Variants in GNB1L observed in about 807,000 individuals in gnomAD.
GNB1L encodes the protein G protein subunit beta 1 like, also known as guanine nucleotide-binding protein subunit beta-like protein 1.
Under a neutral mutation model 29.1 loss-of-function variants are expected in GNB1L, and 20 were observed. The ratio of observed to expected loss-of-function variants is 0.69; its 90% CI spans 0.48 to 1.00. GNB1L has a LOEUF of 1.00. GNB1L is among the 50% of genes least tolerant of loss of function. The pLI, the probability that GNB1L is intolerant of heterozygous loss-of-function variation, is 0.00. For synonymous variants in GNB1L, 193 were observed against 206.5 expected, an observed-to-expected ratio of 0.93 and a Z score of 0.56; for missense variants, 421 against 464.9, an observed-to-expected ratio of 0.91 and a Z score of 0.87.
chr22:19,805,686 G>A (rs1379199882), intron 6 of GNB1L, among the ~76,000 whole-genome samples: 1 of 152,194 alleles, frequency 6.6e-6, no homozygotes, highest in Non-Finnish European at 1.5e-5. Flanking sequence ...GGAGGCTGAG[G>A]CAGGAGAATG....
intron 6 of GNB1L, among the ~76,000 whole-genome samples, chr22:19,803,346 C>T (rs1480143503): frequency 6.6e-6 from 1 of 152,164 alleles, no homozygotes; most frequent in Non-Finnish European, 1.5e-5. Context: ...CAGGAGGAGG[C>T]GAGTGGCGGT....
chr22:19,817,373 C>G (rs1035882603), intron 4 of GNB1L, among the ~76,000 whole-genome samples: 1 of 152,084 alleles, frequency 6.6e-6, no homozygotes, highest in Non-Finnish European at 1.5e-5. Context: ...CCCAGCTACT[C>G]GGGAGGCTGA....
In GNB1L at chr22:19,848,994, G is replaced by A. The variant is rs115759616; in HGVS notation, c.-21+5449C>T. 4,142 of 985,522 alleles carry A rather than the reference G, an allele frequency of 4.2e-3. 117 individuals are homozygous for A. The African/African-American group carries it at 0.068, about 16-fold the overall frequency. The allele number at this position is 985,522 out of a possible 1,614,324, so 61.0% of individuals were successfully genotyped here. On this transcript the variant is annotated intron_variant, in intron 2 of 7. Coordinates refer to ENST00000329517, the MANE Select transcript of GNB1L (RefSeq NM_053004.3). ...CCAGGCCACAGTGCACTGGAGGTAG[G>A]CATCAGGGAGCAGTCTGACCCAACC...
chr22:19,832,920 G>C (rs1384406410), intron 2 of GNB1L, among the ~76,000 whole-genome samples: 1 of 152,232 alleles, frequency 6.6e-6, no homozygotes, highest in Non-Finnish European at 1.5e-5. Flanking sequence ...TGAGCCCTGG[G>C]TGGCTGATGT....
chr22:19,845,134 G>A (rs1368601278), intron 2 of GNB1L, among the ~76,000 whole-genome samples: 1 of 152,210 alleles, frequency 6.6e-6, no homozygotes, highest in African/African-American at 2.4e-5. Flanking sequence ...GGAAAGGGGA[G>A]GTCCCCTATC....
intron 2 of GNB1L, among the ~76,000 whole-genome samples, chr22:19,845,213 G>A (rs3788303): frequency 0.019 from 2,825 of 152,362 alleles, 58 homozygotes; most frequent in South Asian, 0.077. Context: ...CATGCAGTCA[G>A]CTGTGCACAT....
chr22:19,833,798 G>A (rs568433959), intron 2 of GNB1L, among the ~76,000 whole-genome samples: 67 of 152,024 alleles, frequency 4.4e-4, no homozygotes, highest in Admixed American at 2.2e-3. Flanking sequence ...ACTGGGAGGC[G>A]GAGGTTGCCG....
chr22:19,851,352 A>G (rs1457721679), intron 2 of GNB1L: 1 of 1,614,132 alleles, frequency 6.2e-7, no homozygotes, highest in Non-Finnish European at 8.5e-7. Flanking sequence ...GCTGACTCCG[A>G]CAGTCTAGGG....
intron 7 of GNB1L, among the ~76,000 whole-genome samples, chr22:19,798,971 A>C (rs533511892): frequency 2.0e-5 from 3 of 152,144 alleles, no homozygotes; most frequent in African/African-American, 7.2e-5. Flanking sequence ...GATGCGATGC[A>C]CGGGGAGCTG....
At chr22:19,809,535 C>T (rs975693723) in intron 5 of GNB1L, among the ~76,000 whole-genome samples, 3 of 152,204 alleles carry the variant, frequency 2.0e-5, no homozygotes, top group Non-Finnish European at 4.4e-5. Flanking sequence ...CTGACTAATA[C>T]AAGCCACCTA....
At chr22:19,822,283 G>A (rs1377946259) in intron 2 of GNB1L, among the ~76,000 whole-genome samples, 3 of 152,080 alleles carry the variant, frequency 2.0e-5, no homozygotes, top group South Asian at 2.1e-4. Flanking sequence ...CAGAGTCGCC[G>A]TGCGGCTCCT....
At chr22:19,823,944 TTG>T (rs1937599470) in intron 2 of GNB1L, among the ~76,000 whole-genome samples, 1 of 152,200 alleles carries the variant, frequency 6.6e-6, no homozygotes, top group African/African-American at 2.4e-5. Flanking sequence ...CACGGCGGCC[TTG>T]GGCGGTGCCA....
intron 5 of GNB1L, among the ~76,000 whole-genome samples, chr22:19,811,537 G>A (rs190071533): frequency 2.0e-5 from 3 of 152,100 alleles, no homozygotes; most frequent in East Asian, 1.9e-4. Context: ...CACCCTCCCC[G>A]CACATCTTGG....
At chr22:19,835,456 G>C (rs769190327) in intron 2 of GNB1L, among the ~76,000 whole-genome samples, 17 of 151,064 alleles carry the variant, frequency 1.1e-4, no homozygotes, top group Non-Finnish European at 2.2e-4. Context: ...GAGGCAGGCA[G>C]ATCACGAGGT....
At position 19,820,637 on chromosome 22, in the gene GNB1L, G is replaced by T; in HGVS notation, c.215C>A (p.Thr72Asn). The change falls in exon 4 of 8, where the codon ACC (threonine) becomes AAC (asparagine). Residue 72 changes from threonine (T) to asparagine (N), a missense_variant. Transcript: ENST00000329517. ...TLDGHGGQCV[T>N]WLQTLPQGRQ... Reference sequence around the variant, plus strand: ...CCCCTGGGGCAGCGTCTGCAGCCAGGTCACACACTGGCCGCCGTGGCCATC... The same window carrying T: ...CCCCTGGGGCAGCGTCTGCAGCCAGTTCACACACTGGCCGCCGTGGCCATC... The T allele has an allele frequency of 6.2e-7, 1 of 1,613,238 alleles. No homozygotes were observed. The highest frequency in any genetic ancestry group is 1.1e-5 in the South Asian group (1 of 91,054).
intron 2 of GNB1L, among the ~76,000 whole-genome samples, chr22:19,837,979 G>A (rs935863556): frequency 6.6e-6 from 1 of 152,262 alleles, no homozygotes; most frequent in African/African-American, 2.4e-5. Flanking sequence ...GGAGGAAGAA[G>A]GGAGGGGCAT....
At chr22:19,810,290 C>G (rs541510152) in intron 5 of GNB1L, among the ~76,000 whole-genome samples, 1 of 152,208 alleles carries the variant, frequency 6.6e-6, no homozygotes, top group East Asian at 1.9e-4. Context: ...AGGCCTGTCT[C>G]AATTTGGGCT....
chr22:19,807,738 C>T (rs892656894), intron 5 of GNB1L, among the ~76,000 whole-genome samples: 7 of 152,210 alleles, frequency 4.6e-5, no homozygotes, highest in Admixed American at 4.6e-4. Context: ...CCAGTTGGTC[C>T]AGCGGTCTCT....
Position 19,785,528 on chromosome 22 carries a change from G to C in GNB1L, c.*3181C>G, listed in dbSNP as rs1371918847. The C allele has an allele frequency of 1.3e-5, 2 of 152,232 alleles. No homozygotes were observed. Among genetic ancestry groups the C allele is most frequent in the African/African-American group, 4.8e-5 (2 of 41,454 alleles). 9.4% of individuals were successfully genotyped at this position (152,232 alleles called of 1,614,324 possible). ...CACCAAGTTCTCTCTGGCTTGAGAGGCCTCACTGCTACCCAAGAGCATTAT... is the reference window on the plus strand; with the variant it reads ...CACCAAGTTCTCTCTGGCTTGAGAGCCCTCACTGCTACCCAAGAGCATTAT... On this transcript the variant is annotated 3_prime_UTR_variant, in exon 8 of 8. Transcript: ENST00000329517. This position sits in a 1 kb window ranked among gnomAD's most constrained non-coding sequence, Gnocchi z 4.1.
Sources: gnomAD v4.1 joint callset for allele counts (sites outside exome capture counted in the v4.1 genomes callset) on GRCh38, gnomAD v4.1.1 for gene constraint, Gnocchi (gnomAD v3.1) non-coding constraint, MANE v1.5 for transcripts, NCBI Gene and HGNC (gene_info 2026-07-23, HGNC 2026-07-21) for gene names.